The following C11orf65 variants were observed in gnomAD, a reference collection of about 807,000 sequenced individuals.
C11orf65 encodes the protein chromosome 11 open reading frame 65.
A neutral mutation model predicts 35.3 loss-of-function variants in C11orf65; 38 were observed. The ratio of observed to expected loss-of-function variants is 1.08; its 90% CI spans 0.83 to 1.41. The LOEUF is 1.41. C11orf65 is among the 40% of genes most tolerant of loss of function. The pLI is 0.00. For missense variants in C11orf65, 370 were observed against 367.1 expected (o/e 1.01, Z -0.06); for synonymous variants, 105 against 114.4 (o/e 0.92, Z 0.53).
At chr11:108,393,416 A>T (rs747402160) in intron 6 of C11orf65, 38 bp from the exon 7 acceptor site, 1 of 1,562,438 alleles carries the variant, frequency 6.4e-7, no homozygotes, top group East Asian at 2.2e-5. Flanking sequence ...AAATCTTTTG[A>T]AATAGGAGAT....
intron 5 of C11orf65, 30 bp downstream of exon 5, chr11:108,406,733 G>A (rs1373992582): frequency 9.9e-6 from 14 of 1,418,708 alleles, no homozygotes; most frequent in Non-Finnish European, 1.3e-5. Context: ...AAATACGTAA[G>A]GTTAAAAATT....
At chr11:108,417,523 G>A (rs929387092) in intron 3 of C11orf65, among the ~76,000 whole-genome samples, 2 of 151,368 alleles carry the variant, frequency 1.3e-5, no homozygotes, top group Admixed American at 1.3e-4. Flanking sequence ...CTCTAGCCTG[G>A]GCAACAGAAC....
At chr11:108,429,356 G>A (rs1209587108) in intron 3 of C11orf65, among the ~76,000 whole-genome samples, 1 of 152,086 alleles carries the variant, frequency 6.6e-6, no homozygotes, top group East Asian at 1.9e-4. Flanking sequence ...GCTAGATGAT[G>A]GGTACATGGT....
chr11:108,464,358 GC>G (rs2093508352), intron 1 of C11orf65, among the ~76,000 whole-genome samples: 1 of 151,462 alleles, frequency 6.6e-6, no homozygotes, highest in Non-Finnish European at 1.5e-5. Flanking sequence ...ATGCAGTGGA[GC>G]GATTTTGGTG....
At chr11:108,365,430 A>G (rs1060795) in intron 2 of C11orf65, 1 of 1,614,234 alleles carries the variant, frequency 6.2e-7, no homozygotes, top group Non-Finnish European at 8.5e-7. Flanking sequence ...TTGGTGGACA[A>G]GTGAATTTGC....
chr11:108,354,621 A>G (rs562685458), intron 2 of C11orf65, among the ~76,000 whole-genome samples: 2 of 152,346 alleles, frequency 1.3e-5, no homozygotes, highest in Non-Finnish European at 2.9e-5. Flanking sequence ...AAATAGTCAA[A>G]TACATATTTG....
At chr11:108,326,409 A>C (rs1049879533) in intron 6 of C11orf65, among the ~76,000 whole-genome samples, 50 of 152,226 alleles carry the variant, frequency 3.3e-4, no homozygotes, top group African/African-American at 1.2e-3. Context: ...TTTCCTATAT[A>C]TCACAATTCT....
At position 108,441,751 on chromosome 11, in the gene C11orf65, G is replaced by A. The variant is rs189854878; in HGVS notation, c.82-9913C>T. Reference sequence around the variant, plus strand: ...TCCAGCAAAGTCCAACAGACCTGCAGCTGCGGGTCCTATTAGAAGGAAAAC... The same window carrying A: ...TCCAGCAAAGTCCAACAGACCTGCAACTGCGGGTCCTATTAGAAGGAAAAC... On this transcript the variant is annotated intron_variant, in intron 2 of 8. Transcript: ENST00000393084. 7.1e-4 allele frequency among the ~76,000 whole-genome samples: 108 copies of A among 152,330 alleles called. 2 individuals carry two copies. The highest frequency in any genetic ancestry group is 2.5e-3 in the African/African-American group (105 of 41,582).
intron 6 of C11orf65, among the ~76,000 whole-genome samples, chr11:108,311,116 A>C (rs769796606): frequency 2.0e-4 from 31 of 151,716 alleles, no homozygotes; most frequent in South Asian, 4.2e-4. Context: ...ATAGGCACAC[A>C]CCACTGCATC....
At chr11:108,412,805 C>T (rs1002605235) in intron 3 of C11orf65, among the ~76,000 whole-genome samples, 2 of 152,098 alleles carry the variant, frequency 1.3e-5, no homozygotes, top group African/African-American at 4.8e-5. Context: ...GAAAGCTGAG[C>T]TGCTATATTA....
At chr11:108,384,263 G>A (rs2091936263) in intron 8 of C11orf65, among the ~76,000 whole-genome samples, 1 of 152,186 alleles carries the variant, frequency 6.6e-6, no homozygotes, top group Non-Finnish European at 1.5e-5. Context: ...GTAGAGGGGT[G>A]AAGGCAACTT....
chr11:108,464,087 T>C (rs895789642), intron 1 of C11orf65, among the ~76,000 whole-genome samples: 6 of 151,126 alleles, frequency 4.0e-5, no homozygotes, highest in Admixed American at 2.6e-4. Context: ...CCACCACGCC[T>C]GGCTAATTTT....
chr11:108,448,558 G>A (rs2093300202), intron 2 of C11orf65, among the ~76,000 whole-genome samples: 1 of 152,182 alleles, frequency 6.6e-6, no homozygotes, highest in South Asian at 2.1e-4. Context: ...AATAGATTCA[G>A]AAAAGGCCTT....
At chr11:108,385,059 G>T (rs2091957523) in intron 8 of C11orf65, among the ~76,000 whole-genome samples, 1 of 152,086 alleles carries the variant, frequency 6.6e-6, no homozygotes, top group Non-Finnish European at 1.5e-5. Context: ...AGTGAAGTCT[G>T]CTCATGAAAA....
intron 3 of C11orf65, among the ~76,000 whole-genome samples, chr11:108,417,712 A>G (rs1406696176): frequency 6.6e-6 from 1 of 151,986 alleles, no homozygotes; most frequent in Non-Finnish European, 1.5e-5. Flanking sequence ...GAGTTGAACA[A>G]TGAGAATGAA....
At chr11:108,329,349 A>G, downstream of C11orf65, 1 of 1,007,504 alleles carries the variant, frequency 9.9e-7, no homozygotes, top group Non-Finnish European at 1.5e-6. Context: ...TTGAGCTCTA[A>G]AGGTCGGCTT....
intron 2 of C11orf65, among the ~76,000 whole-genome samples, chr11:108,376,868 T>C (rs1004736425): frequency 3.2e-4 from 49 of 151,310 alleles, no homozygotes; most frequent in Admixed American, 5.9e-4. Context: ...GCAAATAAAC[T>C]AGAAAATCTA....
chr11:108,430,833 A>C (rs1163348525), intron 3 of C11orf65, among the ~76,000 whole-genome samples: 1 of 151,888 alleles, frequency 6.6e-6, no homozygotes, highest in African/African-American at 2.4e-5. Flanking sequence ...TGACAGAGTG[A>C]GACCCTGTCT....
intron 2 of C11orf65, chr11:108,368,165 T>G: frequency 4.9e-6 from 1 of 205,340 alleles, no homozygotes; most frequent in East Asian, 7.5e-5. Context: ...ATCACAAGCC[T>G]AGGAGAAATA....
Sources: allele counts gnomAD v4.1 joint callset (sites outside exome capture counted in the v4.1 genomes callset), GRCh38; gene constraint gnomAD v4.1.1; transcripts MANE v1.5; gene names NCBI Gene and HGNC (gene_info 2026-07-23, HGNC 2026-07-21).